The following SLC9A9 variants were observed in gnomAD, a reference collection of about 807,000 sequenced individuals.
SLC9A9 encodes sodium/hydrogen exchanger 9.
A neutral mutation model predicts 77.8 loss-of-function variants in SLC9A9; 62 were observed. The observed-to-expected ratio is 0.80, with a 90% CI of 0.65 to 0.98. SLC9A9 has a LOEUF of 0.98. Among genes scored for constraint, SLC9A9 ranks in the 50% least tolerant of loss-of-function variants. The pLI, the probability that SLC9A9 is intolerant of heterozygous loss-of-function variation, is 0.00. For missense variants in SLC9A9, 775 were observed against 774.9 expected, an observed-to-expected ratio of 1.00 and a Z score of 0.00; for synonymous variants, 320 against 283.5, an observed-to-expected ratio of 1.13 and a Z score of -1.29.
intron 4 of SLC9A9, among the ~76,000 whole-genome samples, chr3:143,780,394 A>G (rs2007833537): frequency 6.6e-6 from 1 of 152,204 alleles, no homozygotes; most frequent in Non-Finnish European, 1.5e-5. Context: ...GATCATAACC[A>G]TGGAGAAAAT....
chr3:143,585,423 C>T (rs1251808520), intron 6 of SLC9A9, among the ~76,000 whole-genome samples: 1 of 152,154 alleles, frequency 6.6e-6, no homozygotes, highest in South Asian at 2.1e-4. Flanking sequence ...TGTCTCTTAC[C>T]TACCTCTAAC....
intron 15 of SLC9A9, among the ~76,000 whole-genome samples, chr3:143,268,541 G>A (rs1255273941): frequency 6.6e-6 from 1 of 151,932 alleles, no homozygotes; most frequent in East Asian, 1.9e-4. Context: ...AGACCATCCT[G>A]GGTAAAATGG....
intron 14 of SLC9A9, among the ~76,000 whole-genome samples, chr3:143,312,887 T>A (rs1242589431): frequency 6.6e-6 from 1 of 152,220 alleles, no homozygotes. Flanking sequence ...AATTTCCCAA[T>A]CTTCCATCCC....
intron 8 of SLC9A9, among the ~76,000 whole-genome samples, chr3:143,555,382 T>C (rs2036963088): frequency 1.3e-5 from 2 of 152,200 alleles, no homozygotes; most frequent in South Asian, 4.1e-4. Flanking sequence ...ACGAATACAC[T>C]GTAACACAAG....
At chr3:143,678,245 C>A (rs1932948269) in intron 5 of SLC9A9, among the ~76,000 whole-genome samples, 1 of 152,068 alleles carries the variant, frequency 6.6e-6, no homozygotes, top group Non-Finnish European at 1.5e-5. Context: ...AATTTTTCCC[C>A]AGTGTGTTGC....
chr3:143,523,787 C>A (rs1015840208), intron 9 of SLC9A9, among the ~76,000 whole-genome samples: 2 of 152,102 alleles, frequency 1.3e-5, no homozygotes, highest in Non-Finnish European at 2.9e-5. Flanking sequence ...GACAATAAAT[C>A]ATGACAACAT....
chr3:143,307,555 T>C (rs1205914915), intron 14 of SLC9A9, among the ~76,000 whole-genome samples: 1 of 152,210 alleles, frequency 6.6e-6, no homozygotes, highest in Admixed American at 6.5e-5. Flanking sequence ...GGCTGGGTCT[T>C]TGCCTCTGCC....
At chr3:143,368,657 C>T (rs1332682308) in intron 13 of SLC9A9, among the ~76,000 whole-genome samples, 1 of 152,154 alleles carries the variant, frequency 6.6e-6, no homozygotes, top group African/African-American at 2.4e-5. Context: ...TCTTTATGGG[C>T]TCCAAGGAAC....
intron 5 of SLC9A9, among the ~76,000 whole-genome samples, chr3:143,654,842 G>A (rs1201159364): frequency 1.3e-5 from 2 of 152,130 alleles, no homozygotes. Context: ...GCCCTATGGG[G>A]AAGACTCTAC....
intron 8 of SLC9A9, among the ~76,000 whole-genome samples, chr3:143,555,011 C>T (rs1215189009): frequency 6.6e-6 from 1 of 152,002 alleles, no homozygotes; most frequent in African/African-American, 2.4e-5. Flanking sequence ...TATTTTCTGC[C>T]TTCCTGCATG....
intron 6 of SLC9A9, among the ~76,000 whole-genome samples, chr3:143,621,840 C>T (rs1473675171): frequency 6.6e-6 from 1 of 151,898 alleles, no homozygotes; most frequent in African/African-American, 2.4e-5. Context: ...AAGTTCGAAC[C>T]CATGGCAAAA....
rs140243218 is a variant in SLC9A9, at chr3:143,316,516, C to T, written c.1604+46968G>A. 3.5e-3 allele frequency among the ~76,000 whole-genome samples: 527 copies of T among 152,266 alleles called. 3 individuals are homozygous for T. The highest frequency in any genetic ancestry group is 0.012 in the African/African-American group (485 of 41,538). ...TGGTGCTTCCCAGAAGAGTTGGTTA[C>T]AACCAGCAAATGATATTCTATGCAG... On this transcript the variant is annotated intron_variant, in intron 14 of 15. Coordinates refer to ENST00000316549, the MANE Select transcript of SLC9A9 (RefSeq NM_173653.4).
intron 6 of SLC9A9, among the ~76,000 whole-genome samples, chr3:143,642,219 C>G (rs2038637044): frequency 6.6e-6 from 1 of 152,176 alleles, no homozygotes; most frequent in Admixed American, 6.5e-5. Context: ...GCTATTGTTG[C>G]CAATGAGAAA....
At chr3:143,495,689 T>C (rs979006196) in intron 9 of SLC9A9, among the ~76,000 whole-genome samples, 4 of 152,110 alleles carry the variant, frequency 2.6e-5, no homozygotes, top group Admixed American at 2.6e-4. Context: ...CACGCCTGGG[T>C]AATATTAACC....
At chr3:143,283,196 G>A (rs1217203474) in intron 14 of SLC9A9, among the ~76,000 whole-genome samples, 2 of 152,160 alleles carry the variant, frequency 1.3e-5, no homozygotes, top group African/African-American at 4.8e-5. Context: ...TTCTGGGAAA[G>A]GTATTATCTG....
intron 12 of SLC9A9, among the ~76,000 whole-genome samples, chr3:143,447,580 A>G (rs1216899844): frequency 1.3e-5 from 2 of 152,138 alleles, no homozygotes; most frequent in Non-Finnish European, 2.9e-5. Flanking sequence ...ACTTCCTACT[A>G]AAATCCATTT....
chr3:143,561,385 C>T (rs997514396), intron 8 of SLC9A9, among the ~76,000 whole-genome samples: 5 of 152,004 alleles, frequency 3.3e-5, no homozygotes, highest in African/African-American at 1.2e-4. Context: ...AGATTATTTA[C>T]CTCAAGAAAC....
chr3:143,762,897 T>C (rs1406750921), intron 4 of SLC9A9, among the ~76,000 whole-genome samples: 1 of 152,172 alleles, frequency 6.6e-6, no homozygotes, highest in Non-Finnish European at 1.5e-5. Flanking sequence ...AAGCTTTTCA[T>C]GGAAGAACTC....
intron 5 of SLC9A9, among the ~76,000 whole-genome samples, chr3:143,657,967 A>G (rs1308431570): frequency 1.3e-5 from 2 of 152,212 alleles, no homozygotes; most frequent in East Asian, 3.9e-4. Context: ...CCCGGGCTCA[A>G]GTGATTCTCC....
Sources: gnomAD v4.1 joint callset for allele counts (sites outside exome capture counted in the v4.1 genomes callset) on GRCh38, gnomAD v4.1.1 for gene constraint, MANE v1.5 for transcripts, NCBI Gene and HGNC (gene_info 2026-07-23, HGNC 2026-07-21) for gene names.